Variants in CLMN observed in about 807,000 individuals in gnomAD.
CLMN encodes calmin.
In CLMN, 57 loss-of-function variants were observed where a neutral mutation model predicts 92.7. That is an observed-to-expected ratio of 0.61 (90% CI 0.50 to 0.77). The LOEUF is 0.77. Among genes scored for constraint, CLMN ranks in the 30% least tolerant of loss-of-function variants. The probability of loss-of-function intolerance (pLI) is 0.00; values close to 1 mark genes in which losing one functional copy is unlikely to be tolerated. For missense variants in CLMN, 1,158 were observed against 1,237.5 expected, an observed-to-expected ratio of 0.94 and a Z score of 0.96; for synonymous variants, 466 against 470.6, an observed-to-expected ratio of 0.99 and a Z score of 0.13.
chr14:95,216,038 G>A (rs150453787), intron 4 of CLMN, among the ~76,000 whole-genome samples: 44 of 152,192 alleles, frequency 2.9e-4, no homozygotes, highest in East Asian at 2.5e-3. Flanking sequence ...GTATTAGTCC[G>A]TTCTCATGTT....
At chr14:95,198,147 T>C (rs1423376334) in intron 9 of CLMN, among the ~76,000 whole-genome samples, 2 of 150,536 alleles carry the variant, frequency 1.3e-5, no homozygotes, top group Non-Finnish European at 3.0e-5. Flanking sequence ...CCTCCCAGGT[T>C]TAAGTGATTT....
intron 5 of CLMN, among the ~76,000 whole-genome samples, chr14:95,215,037 T>C (rs984683258): frequency 1.3e-5 from 2 of 152,214 alleles, no homozygotes; most frequent in Admixed American, 6.5e-5. Context: ...CAAACCACCA[T>C]GGCACGTGTA....
At chr14:95,227,706 TGG>T in intron 2 of CLMN, among the ~76,000 whole-genome samples, 1 of 152,318 alleles carries the variant, frequency 6.6e-6, no homozygotes, top group Non-Finnish European at 1.5e-5. Context: ...AAACACTCCT[TGG>T]GCCCCAAACG....
At chr14:95,252,399 C>T (rs553910739) in intron 1 of CLMN, among the ~76,000 whole-genome samples, 2 of 152,262 alleles carry the variant, frequency 1.3e-5, no homozygotes, top group South Asian at 4.1e-4. Context: ...GAATCTGACA[C>T]GTGGCAGTGA....
At chr14:95,230,540 G>A (rs1381674770) in intron 1 of CLMN, among the ~76,000 whole-genome samples, 1 of 152,244 alleles carries the variant, frequency 6.6e-6, no homozygotes, top group Non-Finnish European at 1.5e-5. Flanking sequence ...CAGGGTCGGG[G>A]TGGAGTGGAG....
At chr14:95,258,434 T>C (rs1291645068) in intron 1 of CLMN, among the ~76,000 whole-genome samples, 1 of 150,442 alleles carries the variant, frequency 6.6e-6, no homozygotes, top group Admixed American at 6.6e-5. Flanking sequence ...TGTGTTTGTA[T>C]GTGTGGTGTG....
At chr14:95,257,722 C>G (rs1899058537) in intron 1 of CLMN, among the ~76,000 whole-genome samples, 1 of 152,248 alleles carries the variant, frequency 6.6e-6, no homozygotes, top group Non-Finnish European at 1.5e-5. Flanking sequence ...GTAAGACTTC[C>G]AAGTCCTAGG....
chr14:95,206,500 C>T (rs1897050701), intron 8 of CLMN, among the ~76,000 whole-genome samples: 1 of 152,142 alleles, frequency 6.6e-6, no homozygotes, highest in Non-Finnish European at 1.5e-5. Flanking sequence ...CCAAAAGAAA[C>T]CATGTGCTGG....
chr14:95,238,438 TCA>T (rs1405795075), intron 1 of CLMN, among the ~76,000 whole-genome samples: 2 of 152,170 alleles, frequency 1.3e-5, no homozygotes, highest in East Asian at 3.9e-4. Context: ...ATGTGGTTTT[TCA>T]CCAGCAGTGA....
At position 95,191,798 on chromosome 14, in the gene CLMN, G is replaced by C; in HGVS notation, c.2841-66C>G. On this transcript the variant is annotated intron_variant, in intron 12 of 12. Coordinates refer to ENST00000298912, the MANE Select transcript of CLMN (RefSeq NM_024734.4). The surrounding 1 kb of genome is among the most constrained non-coding windows in gnomAD (Gnocchi z 5.3). Reference sequence around the variant, plus strand: ...TTCCCAGGAAAGTGGACCCCACCCAGTGCTACCCGTCTCTCCCCGGCCCCC... The same window carrying C: ...TTCCCAGGAAAGTGGACCCCACCCACTGCTACCCGTCTCTCCCCGGCCCCC... 6.7e-7 allele frequency: 1 copy of C among 1,485,548 alleles called. No homozygotes were observed. Among genetic ancestry groups the C allele is most frequent in the Non-Finnish European group, 9.0e-7 (1 of 1,106,600 alleles). 92.0% of individuals were successfully genotyped at this position (1,485,548 alleles called of 1,614,324 possible).
chr14:95,240,393 C>T (rs949221522), intron 1 of CLMN, among the ~76,000 whole-genome samples: 4 of 152,118 alleles, frequency 2.6e-5, no homozygotes, highest in Non-Finnish European at 5.9e-5. Context: ...TCCAGGTATA[C>T]CACTTCCAGA....
intron 1 of CLMN, among the ~76,000 whole-genome samples, chr14:95,290,682 G>A (rs1900529881): frequency 6.6e-6 from 1 of 152,216 alleles, no homozygotes; most frequent in African/African-American, 2.4e-5. Context: ...TCAGGTTTCT[G>A]ACCTCCAGAA....
At position 95,203,965 on chromosome 14, in the gene CLMN, G is replaced by GTCCA; in HGVS notation, c.1380_1383dup (p.His462TrpfsTer7). 6.2e-7 allele frequency: 1 copy of GTCCA among 1,614,172 alleles called. No individual in the cohort carries two copies. The highest frequency in any genetic ancestry group is 1.1e-5 in the South Asian group (1 of 91,078). On this transcript the variant is annotated frameshift_variant, in exon 9 of 13. Coordinates refer to ENST00000298912, the MANE Select transcript of CLMN (RefSeq NM_024734.4). LOFTEE classifies it high-confidence loss of function. ...TCAGCAACCTCAACTGCCAAGACAT[G>GTCCA]TCCATCCTGCCTCAATGATTCCTTT...
chr14:95,265,452 C>G (rs1899435502), intron 1 of CLMN, among the ~76,000 whole-genome samples: 1 of 152,184 alleles, frequency 6.6e-6, no homozygotes, highest in Non-Finnish European at 1.5e-5. Flanking sequence ...TTGATCTCGC[C>G]AAACTCCACA....
intron 8 of CLMN, 82 bp from the exon 9 acceptor site, chr14:95,204,545 A>T (rs954024027): frequency 7.9e-7 from 1 of 1,262,872 alleles, no homozygotes; most frequent in African/African-American, 1.5e-5. Context: ...CATGAGTAAG[A>T]AGAATATTTA....
intron 1 of CLMN, among the ~76,000 whole-genome samples, chr14:95,263,402 A>G (rs2140705873): frequency 6.6e-6 from 1 of 152,294 alleles, no homozygotes; most frequent in South Asian, 2.1e-4. Context: ...GGGAACTACA[A>G]TTCAAGATGA....
chr14:95,217,536 G>C (rs11160234), intron 4 of CLMN, among the ~76,000 whole-genome samples: 32,813 of 152,204 alleles, frequency 0.22, 4,190 homozygotes, highest in Non-Finnish European at 0.3. Context: ...ACAGTTGATC[G>C]GATTCAGGTT....
intron 12 of CLMN, chr14:95,193,501 T>A (rs1328524061): frequency 2.3e-6 from 2 of 870,694 alleles, no homozygotes; most frequent in Non-Finnish European, 3.5e-6. Context: ...CCACCTCTTC[T>A]CCTGCCTGGC....
At chr14:95,222,802 G>C (rs143081682) in intron 3 of CLMN, among the ~76,000 whole-genome samples, 2 of 152,334 alleles carry the variant, frequency 1.3e-5, no homozygotes, top group East Asian at 1.9e-4. Flanking sequence ...GGAAAGCAAA[G>C]GTGGGATGGT....
Sources: allele counts gnomAD v4.1 joint callset (sites outside exome capture counted in the v4.1 genomes callset), GRCh38; gene constraint gnomAD v4.1.1; non-coding constraint Gnocchi (gnomAD v3.1); transcripts MANE v1.5; gene names NCBI Gene and HGNC (gene_info 2026-07-23, HGNC 2026-07-21).